Variants in NPAS3 observed in about 807,000 individuals in gnomAD.
The protein encoded by NPAS3 is neuronal PAS domain protein 3.
A neutral mutation model predicts 73.1 loss-of-function variants in NPAS3; 14 were observed. That is an observed-to-expected ratio of 0.19 (90% CI 0.13 to 0.30). The LOEUF is 0.30. Ranked by LOEUF, NPAS3 falls within the 10% of genes least tolerant of loss-of-function variation. NPAS3 has a pLI of 1.00. For synonymous variants in NPAS3, 620 were observed against 541.5 expected, an observed-to-expected ratio of 1.14 and a Z score of -2.01; for missense variants, 1,096 against 1,250.0, an observed-to-expected ratio of 0.88 and a Z score of 1.86.
intron 2 of NPAS3, among the ~76,000 whole-genome samples, chr14:33,153,217 C>CTT (rs144814753): frequency 3.3e-5 from 5 of 150,904 alleles, no homozygotes; most frequent in African/African-American, 9.8e-5. Context: ...CCATTTTCTA[C>CTT]TTTTTTTTTC....
chr14:33,117,838 A>G (rs2043116028), intron 2 of NPAS3, among the ~76,000 whole-genome samples: 1 of 152,146 alleles, frequency 6.6e-6, no homozygotes, highest in South Asian at 2.1e-4. Context: ...TTGATTATTT[A>G]CTGTCAAAAT....
At chr14:33,328,752 C>T (rs1483330830) in intron 3 of NPAS3, among the ~76,000 whole-genome samples, 1 of 152,038 alleles carries the variant, frequency 6.6e-6, no homozygotes, top group East Asian at 1.9e-4. Flanking sequence ...TTTTCCGTTC[C>T]TTTGGGTTTT....
At chr14:32,992,508 G>T (rs189146997) in intron 1 of NPAS3, among the ~76,000 whole-genome samples, 139 of 152,222 alleles carry the variant, frequency 9.1e-4, no homozygotes, top group Middle Eastern at 3.4e-3. Flanking sequence ...TTCTCTGCTT[G>T]TCCCTGGCCT....
intron 3 of NPAS3, among the ~76,000 whole-genome samples, chr14:33,328,677 T>G (rs1295011965): frequency 6.6e-6 from 1 of 151,914 alleles, no homozygotes; most frequent in Non-Finnish European, 1.5e-5. Context: ...CAGGATGGTC[T>G]CCACCTCCTG....
At position 33,339,061 on chromosome 14, in the gene NPAS3, C is replaced by T. The variant is rs564981998; in HGVS notation, c.386-28125C>T. 6.8e-4 allele frequency among the ~76,000 whole-genome samples: 104 copies of T among 152,182 alleles called. 2 individuals are homozygous for T. The South Asian group carries it at 0.012, about 17-fold the overall frequency. On this transcript the variant is annotated intron_variant, in intron 3 of 11. Coordinates refer to ENST00000356141, the Ensembl canonical transcript of NPAS3. ...GTGAGTAATAATTTTTCAGTAACGT[C>T]GAATTTTGTTTTAATTGTATTTGTG...
At chr14:32,972,901 G>A (rs2037496384) in intron 1 of NPAS3, among the ~76,000 whole-genome samples, 8 of 152,132 alleles carry the variant, frequency 5.3e-5, no homozygotes, top group Admixed American at 5.2e-4. Context: ...ACACACAATG[G>A]ACAACCGCTA....
At chr14:33,235,086 G>A (rs935059352) in intron 3 of NPAS3, among the ~76,000 whole-genome samples, 3 of 152,028 alleles carry the variant, frequency 2.0e-5, no homozygotes, top group Non-Finnish European at 4.4e-5. Flanking sequence ...GGAAAATATA[G>A]CTTTGGAAAT....
intron 7 of NPAS3, among the ~76,000 whole-genome samples, chr14:33,767,143 C>T (rs2062489301): frequency 6.6e-6 from 1 of 152,090 alleles, no homozygotes; most frequent in South Asian, 2.1e-4. Flanking sequence ...TTTTTTCAGG[C>T]CTTGTGCAAG....
At chr14:33,077,026 A>G (rs1332877819) in intron 2 of NPAS3, among the ~76,000 whole-genome samples, 1 of 152,176 alleles carries the variant, frequency 6.6e-6, no homozygotes, top group Admixed American at 6.5e-5. Flanking sequence ...GTACCAGGCA[A>G]CATCCTAGGC....
chr14:33,248,908 G>A (rs1286430831), intron 3 of NPAS3, among the ~76,000 whole-genome samples: 1 of 152,122 alleles, frequency 6.6e-6, no homozygotes, highest in African/African-American at 2.4e-5. Context: ...AAATTGTGTT[G>A]CTTTTTCAGT....
At chr14:33,074,993 T>C (rs565217897) in intron 2 of NPAS3, among the ~76,000 whole-genome samples, 2 of 152,246 alleles carry the variant, frequency 1.3e-5, no homozygotes, top group Non-Finnish European at 2.9e-5. Flanking sequence ...ATTGAAATAC[T>C]ATATTTTCTG....
At chr14:33,525,703 G>A (rs2053767458) in intron 4 of NPAS3, among the ~76,000 whole-genome samples, 1 of 152,110 alleles carries the variant, frequency 6.6e-6, no homozygotes, top group Non-Finnish European at 1.5e-5. Flanking sequence ...AAGTCTTCAA[G>A]TTGTAGGACA....
At chr14:33,342,708 T>C (rs6571596) in intron 3 of NPAS3, among the ~76,000 whole-genome samples, 120,486 of 152,038 alleles carry the variant, frequency 0.79, 48,336 homozygotes, top group African/African-American at 0.92. Context: ...CTTGCTTTGG[T>C]GCATGCTTTA....
intron 4 of NPAS3, among the ~76,000 whole-genome samples, chr14:33,485,626 A>G (rs1398609228): frequency 6.6e-6 from 1 of 152,126 alleles, no homozygotes; most frequent in Non-Finnish European, 1.5e-5. Context: ...CTTTTCTCCT[A>G]ATCAACATAT....
intron 3 of NPAS3, among the ~76,000 whole-genome samples, chr14:33,309,525 T>C (rs1211911902): frequency 6.6e-6 from 1 of 152,184 alleles, no homozygotes; most frequent in African/African-American, 2.4e-5. Flanking sequence ...GCAATTAGGA[T>C]AGGAGACAGT....
intron 2 of NPAS3, among the ~76,000 whole-genome samples, chr14:33,182,043 C>T (rs2045816722): frequency 6.6e-6 from 1 of 152,116 alleles, no homozygotes; most frequent in African/African-American, 2.4e-5. Flanking sequence ...TATTTAATGA[C>T]AGGATCTTTC....
intron 5 of NPAS3, among the ~76,000 whole-genome samples, chr14:33,569,407 T>C (rs547665197): frequency 6.6e-6 from 1 of 152,260 alleles, no homozygotes; most frequent in South Asian, 2.1e-4. Flanking sequence ...CTGTGGGCCA[T>C]GTGTGGGTTT....
intron 3 of NPAS3, among the ~76,000 whole-genome samples, chr14:33,238,359 G>A (rs2048109565): frequency 6.6e-6 from 1 of 152,004 alleles, no homozygotes. Context: ...GCATATCCTT[G>A]TTCTTTACAA....
intron 2 of NPAS3, among the ~76,000 whole-genome samples, chr14:33,171,799 G>A (rs2045399080): frequency 6.6e-6 from 1 of 152,076 alleles, no homozygotes. Context: ...CCTAGCTTTT[G>A]GCCTATCTTG....
Sources: gnomAD v4.1 joint callset for allele counts (sites outside exome capture counted in the v4.1 genomes callset) on GRCh38, gnomAD v4.1.1 for gene constraint, MANE v1.5 for transcripts, NCBI Gene and HGNC (gene_info 2026-07-23, HGNC 2026-07-21) for gene names.